Variants in GRK1 observed in about 807,000 individuals in gnomAD.
GRK1 encodes rhodopsin kinase GRK1.
In GRK1, 28 loss-of-function variants were observed where a neutral mutation model predicts 41.7. That is an observed-to-expected ratio of 0.67 (90% CI 0.50 to 0.92). The LOEUF is 0.92. GRK1 is among the 40% of genes least tolerant of loss of function. The probability of loss-of-function intolerance (pLI) is 0.00; values close to 1 mark genes in which losing one functional copy is unlikely to be tolerated. For synonymous variants in GRK1, 327 were observed against 286.7 expected (o/e 1.14, Z -1.42); for missense variants, 703 against 671.2 (o/e 1.05, Z -0.52).
chr13:113,724,157 G>A (rs894599107), intron 4 of GRK1, among the ~76,000 whole-genome samples: 2 of 152,088 alleles, frequency 1.3e-5, no homozygotes, highest in Middle Eastern at 3.2e-3. Context: ...AGCGGGGTCC[G>A]TGTTCTGGGC....
At chr13:113,657,859 C>T in the GRK1 span, among the ~76,000 whole-genome samples, 2 of 152,194 alleles carry the variant, frequency 1.3e-5, no homozygotes, top group African/African-American at 4.8e-5. Context: ...TGGGGACCCT[C>T]GCTTTCCCTG....
chr13:113,732,861 T>TA, intron 5 of GRK1, 23 bp from the exon 6 acceptor site: 1 of 1,533,242 alleles, frequency 6.5e-7, no homozygotes, highest in Non-Finnish European at 8.7e-7. Flanking sequence ...CTGGCAGGGC[T>TA]AAGGCTACGC....
chr13:113,733,598 T>TGTGTGTGCAC (rs2049956993), intron 6 of GRK1, among the ~76,000 whole-genome samples: 3 of 144,114 alleles, frequency 2.1e-5, no homozygotes, highest in African/African-American at 7.8e-5. Context: ...TGTGTGTGCA[T>TGTGTGTGCAC]GTGTGCGCAT....
At chr13:113,723,263 G>A (rs1427545890) in intron 4 of GRK1, 106 bp downstream of exon 4, 1 of 568,272 alleles carries the variant, frequency 1.8e-6, no homozygotes. Flanking sequence ...TGTGTATATA[G>A]GTGTGTCTGT....
chr13:113,728,422 G>T (rs551670665), intron 4 of GRK1, among the ~76,000 whole-genome samples: 1 of 147,428 alleles, frequency 6.8e-6, no homozygotes, highest in East Asian at 2.0e-4. Context: ...GTGATGAGGA[G>T]TACCCATGGC....
At position 113,735,013 on chromosome 13, in the gene GRK1, G is replaced by A. The variant is rs1254312234; in HGVS notation, c.1397-55G>A. 1.7e-5 allele frequency: 24 copies of A among 1,435,696 alleles called. No individual in the cohort carries two copies. The East Asian group carries it at 3.3e-4, about 20-fold the overall frequency. The allele number at this position is 1,435,696 out of a possible 1,614,324, so 88.9% of individuals were successfully genotyped here. A position where few individuals can be genotyped will look rare whatever the true frequency, so the allele number is the denominator to read the frequency against. ...GGGGGAGGGGGCTTTTTGGCTAAAC[G>A]GCGCTTCCTTCCCACCACGAGGAGC... is the stretch of plus-strand genomic sequence containing the variant. On this transcript the variant is annotated intron_variant, in intron 6 of 6. Coordinates refer to ENST00000335678, the MANE Select transcript of GRK1 (RefSeq NM_002929.3).
chr13:113,654,780 C>T, the GRK1 span: 2 of 1,606,028 alleles, frequency 1.2e-6, no homozygotes, highest in Non-Finnish European at 1.7e-6. Flanking sequence ...CCTGGCCTGT[C>T]ACACGGCATG....
chr13:113,650,533 G>T, the GRK1 span: 1 of 1,589,770 alleles, frequency 6.3e-7, no homozygotes, highest in South Asian at 1.1e-5. This position sits in a 1 kb window ranked among gnomAD's most constrained non-coding sequence, Gnocchi z 5.0. Context: ...CACTGCCTGA[G>T]TCAGGCGGGA....
chr13:113,653,928 AC>A, the GRK1 span, among the ~76,000 whole-genome samples: 1 of 152,190 alleles, frequency 6.6e-6, no homozygotes, highest in African/African-American at 2.4e-5. Flanking sequence ...CATCCTTTGC[AC>A]ACTTTCCTGT....
chr13:113,660,235 T>G, the GRK1 span, among the ~76,000 whole-genome samples: 8 of 152,244 alleles, frequency 5.3e-5, no homozygotes, highest in South Asian at 1.5e-3. Flanking sequence ...TCTCCCCCCA[T>G]CTGAGTGGTG....
chr13:113,670,037 C>G (rs1045023851), intron 2 of GRK1, among the ~76,000 whole-genome samples: 4 of 152,216 alleles, frequency 2.6e-5, no homozygotes, highest in African/African-American at 9.6e-5. Context: ...ACCTGACAAT[C>G]AGGGCTCGTC....
chr13:113,652,728 C>T, the GRK1 span: 2 of 938,252 alleles, frequency 2.1e-6, no homozygotes, highest in East Asian at 5.2e-5. Context: ...GCGTGCCAAA[C>T]CAAGGTACAG....
chr13:113,656,454 G>A, the GRK1 span, among the ~76,000 whole-genome samples: 5 of 152,170 alleles, frequency 3.3e-5, no homozygotes, highest in Admixed American at 6.5e-5. Flanking sequence ...GTAGGAGCCC[G>A]AGGTTGGCCA....
At position 113,733,678 on chromosome 13, in the gene GRK1, T is replaced by C. The variant is rs1387309102; in HGVS notation, c.1396+593T>C. 8.9e-5 allele frequency among the ~76,000 whole-genome samples: 13 copies of C among 145,916 alleles called. 1 individual carries two copies. The highest frequency in any genetic ancestry group is 3.6e-3 in the Middle Eastern group (1 of 274). ...GTGTGTGTGCGTGTGTGCACGTGTG[T>C]GCATGTATGTGTGCATACATGTGTG... On this transcript the variant is annotated intron_variant, in intron 6 of 6. Transcript: ENST00000335678.
chr13:113,667,343 C>T lies in GRK1; in HGVS notation c.-44C>T, dbSNP rs373740122. The T allele has an allele frequency of 2.9e-5, 43 of 1,485,610 alleles. No homozygotes were observed. Among genetic ancestry groups the T allele is most frequent in the East Asian group, 4.9e-5 (2 of 40,752 alleles). 92.0% of individuals were successfully genotyped at this position (1,485,610 alleles called of 1,614,324 possible). ...TCTGTGAACGCTCCCGGCTTGGCCT[C>T]GGCTGATGGGCCCTCACGCCTGAAG... On this transcript the variant is annotated 5_prime_UTR_variant, in exon 1 of 7. Transcript: ENST00000335678. This position sits in a 1 kb window ranked among gnomAD's most constrained non-coding sequence, Gnocchi z 7.5.
chr13:113,649,787 C>T, the GRK1 span, among the ~76,000 whole-genome samples: 2 of 152,092 alleles, frequency 1.3e-5, no homozygotes, highest in African/African-American at 2.4e-5. The surrounding 1 kb of genome is among the most constrained non-coding windows in gnomAD (Gnocchi z 4.7). Context: ...CGATGATTAA[C>T]GTAAAAATGA....
chr13:113,659,262 A>T, the GRK1 span, among the ~76,000 whole-genome samples: 2 of 152,352 alleles, frequency 1.3e-5, no homozygotes, highest in Non-Finnish European at 2.9e-5. Flanking sequence ...TGCTGGCTGC[A>T]GTGCCCATCT....
chr13:113,653,215 TGCTGCTTCACACCTCACCCACCC>T, the GRK1 span: 6 of 1,378,402 alleles, frequency 4.4e-6, no homozygotes, highest in African/African-American at 7.3e-5. Context: ...ACACCTCACC[TGCTGCTTCACACCTCACCCACCC>T]GCCGCTTCAC....
rs2049867218 is a variant in GRK1, at chr13:113,723,166, C to G, written c.1069+9C>G. 1.4e-6 allele frequency: 1 copy of G among 699,950 alleles called. No individual in the cohort carries two copies. Among genetic ancestry groups the G allele is most frequent in the Middle Eastern group, 2.3e-4 (1 of 4,352 alleles). The allele number at this position is 699,950 out of a possible 1,614,324, so 43.4% of individuals were successfully genotyped here. A position where few individuals can be genotyped will look rare whatever the true frequency, so the allele number is the denominator to read the frequency against. ...CTACGCAGGGACCCCAGGTAAGGGT[C>G]TGAGCGCAGCTGGGGAGGCTCCGTG... On this transcript the variant is annotated intron_variant, in intron 4 of 6. Transcript: ENST00000335678.
Sources: gnomAD v4.1 joint callset for allele counts (sites outside exome capture counted in the v4.1 genomes callset) on GRCh38, gnomAD v4.1.1 for gene constraint, Gnocchi (gnomAD v3.1) non-coding constraint, MANE v1.5 for transcripts, NCBI Gene and HGNC (gene_info 2026-07-23, HGNC 2026-07-21) for gene names.